Variants in SGO2 observed in about 807,000 individuals in gnomAD.
The protein encoded by SGO2 is shugoshin-like 2.
A neutral mutation model predicts 99.5 loss-of-function variants in SGO2; 68 were observed. The ratio of observed to expected loss-of-function variants is 0.68; its 90% CI spans 0.56 to 0.84. The LOEUF (loss-of-function observed/expected upper bound fraction) is 0.84. Ranked by LOEUF, SGO2 falls within the 40% of genes least tolerant of loss-of-function variation. SGO2 has a pLI of 0.00. For missense variants in SGO2, 1,350 were observed against 1,436.7 expected (o/e 0.94, Z 0.97); for synonymous variants, 457 against 487.1 (o/e 0.94, Z 0.81).
chr2:200,574,666 T>C (rs776930575), intron 7 of SGO2, among the ~76,000 whole-genome samples: 4 of 151,926 alleles, frequency 2.6e-5, no homozygotes, highest in Non-Finnish European at 5.9e-5. Flanking sequence ...GTTATTAAAA[T>C]AGTACTCATT....
Position 200,573,588 on chromosome 2 carries a change from A to G in SGO2, c.3242A>G (p.Lys1081Arg). The change falls in exon 7 of 9, where the codon AAA becomes AGA. Residue 1081 changes from lysine (K) to arginine (R), a missense_variant. Transcript: ENST00000357799. The stretch of plus-strand genomic sequence containing the variant: ...AATAAAATGACATCTAAGTCAAAGA[A>G]AAGGAAGACCTCCATAGATCCTTCT... ...KVNKMTSKSK[K>R]RKTSIDPSPE... The G allele has an allele frequency of 6.2e-7, 1 of 1,605,674 alleles. No individual in the cohort carries two copies. Among genetic ancestry groups the G allele is most frequent in the Non-Finnish European group, 8.5e-7 (1 of 1,177,752 alleles).
At chr2:200,555,712 G>A (rs1028126219) in intron 5 of SGO2, among the ~76,000 whole-genome samples, 9 of 152,058 alleles carry the variant, frequency 5.9e-5, no homozygotes, top group African/African-American at 2.2e-4. Context: ...ATCCCCAGAA[G>A]CATATTTCCT....
intron 5 of SGO2, among the ~76,000 whole-genome samples, chr2:200,549,992 T>C (rs985993999): frequency 1.3e-5 from 2 of 152,186 alleles, no homozygotes; most frequent in Non-Finnish European, 2.9e-5. Context: ...TTAGGACACA[T>C]AAGGGAATTC....
chr2:200,532,279 T>TTTG (rs1439748276), intron 1 of SGO2: 222 of 401,810 alleles, frequency 5.5e-4, no homozygotes, highest in African/African-American at 5.2e-3. Context: ...TTTGTTTTTT[T>TTTG]TTTTGTTTTT....
chr2:200,536,875 G>C (rs2031720019), intron 4 of SGO2, among the ~76,000 whole-genome samples: 1 of 152,102 alleles, frequency 6.6e-6, no homozygotes, highest in African/African-American at 2.4e-5. Context: ...ACATGCTTTT[G>C]TCCGCCTTCA....
rs1559215820 is a variant in SGO2 at position 200,571,484 on chromosome 2, A to G, written c.1138A>G (p.Thr380Ala). 1 of 1,611,474 alleles carries G rather than the reference A, an allele frequency of 6.2e-7. No homozygotes were observed. The highest frequency in any genetic ancestry group is 2.2e-5 in the East Asian group (1 of 44,854). The change falls in exon 7 of 9, where the codon ACA (threonine) becomes GCA (alanine). Residue 380 changes from threonine to alanine, a missense_variant. Transcript: ENST00000357799. ...SEVSKIVTVS[T>A]GIKKKSNKKT... ...AGTCAGCAAAATTGTCACAGTCTCA[A>G]CAGGCATTAAAAAGAAAAGTAATAA...
chr2:200,554,219 T>A (rs1025404353), intron 5 of SGO2, among the ~76,000 whole-genome samples: 1 of 152,154 alleles, frequency 6.6e-6, no homozygotes, highest in African/African-American at 2.4e-5. Context: ...TTAAAAGCTG[T>A]AAATAGCTCA....
intron 5 of SGO2, among the ~76,000 whole-genome samples, chr2:200,545,590 C>A (rs1298481358): frequency 6.6e-6 from 1 of 152,184 alleles, no homozygotes; most frequent in Non-Finnish European, 1.5e-5. Context: ...CCACCATCAA[C>A]AGCCCAGAGA....
chr2:200,560,849 G>T (rs1385877902), intron 5 of SGO2, among the ~76,000 whole-genome samples: 1 of 152,078 alleles, frequency 6.6e-6, no homozygotes, highest in African/African-American at 2.4e-5. Flanking sequence ...ATGTTTAATA[G>T]AATTCACAAG....
At position 200,536,114 on chromosome 2, in the gene SGO2, C is replaced by T; in HGVS notation, c.359C>T (p.Thr120Ile). Residue 120 changes from threonine to isoleucine, a missense_variant, in exon 4 of 9, where the codon ACT (threonine) becomes ATT (isoleucine). Transcript: ENST00000357799. ...GCTCTCATGAACAATAACTTGATAA[C>T]TGCAATTGAAATGAGCAGTCTTTCT... is the stretch of plus-strand genomic sequence containing the variant. Reference protein sequence around the residue: ...IEALMNNNLITAIEMSSLSEF... With the variant: ...IEALMNNNLIIAIEMSSLSEF... The T allele has an allele frequency of 1.3e-6, 2 of 1,596,966 alleles. No homozygotes were observed. Among genetic ancestry groups the T allele is most frequent in the Non-Finnish European group, 1.7e-6 (2 of 1,168,622 alleles).
intron 8 of SGO2, among the ~76,000 whole-genome samples, chr2:200,582,445 C>T (rs1273891637): frequency 2.0e-5 from 3 of 152,092 alleles, no homozygotes; most frequent in Non-Finnish European, 4.4e-5. Context: ...CTAAAAATAA[C>T]CTCCCCACTA....
intron 8 of SGO2, among the ~76,000 whole-genome samples, chr2:200,577,712 A>G (rs563562194): frequency 6.6e-6 from 1 of 151,896 alleles, no homozygotes; most frequent in African/African-American, 2.4e-5. Flanking sequence ...ACACCTTTGA[A>G]GACTACTGGT....
At chr2:200,543,408 T>A (rs1394442605) in intron 5 of SGO2, 2 of 152,248 alleles carry the variant, frequency 1.3e-5, no homozygotes, top group South Asian at 2.1e-4. Flanking sequence ...AGCACCCTAT[T>A]TCAAATCTGT....
At chr2:200,542,876 T>C (rs904463495) in intron 5 of SGO2, 2 of 380,692 alleles carry the variant, frequency 5.3e-6, no homozygotes, top group Admixed American at 4.1e-5. Context: ...TTATTTGTAA[T>C]GTCTTGCTAC....
At chr2:200,556,708 A>G (rs1443982857) in intron 5 of SGO2, among the ~76,000 whole-genome samples, 1 of 152,206 alleles carries the variant, frequency 6.6e-6, no homozygotes, top group Non-Finnish European at 1.5e-5. Context: ...GGCAGTTTCC[A>G]TTACCCTTCC....
intron 5 of SGO2, among the ~76,000 whole-genome samples, chr2:200,567,175 A>G (rs992024967): frequency 1.3e-5 from 2 of 152,170 alleles, no homozygotes; most frequent in African/African-American, 2.4e-5. Context: ...GCTGGGTGCT[A>G]TAGACTGGAG....
At chr2:200,529,264 A>G (rs1324740576) in intron 1 of SGO2, among the ~76,000 whole-genome samples, 2 of 152,214 alleles carry the variant, frequency 1.3e-5, no homozygotes, top group Admixed American at 6.5e-5. Flanking sequence ...GCCCTTCCTA[A>G]TCTTGATGCC....
Position 200,558,268 on chromosome 2 carries a change from G to A in SGO2, c.474-11395G>A, listed in dbSNP as rs575529982. 2.6e-5 allele frequency among the ~76,000 whole-genome samples: 4 copies of A among 151,930 alleles called. No individual in the cohort carries two copies. The East Asian group carries it at 5.8e-4, about 22-fold the overall frequency. On this transcript the variant is annotated intron_variant, in intron 5 of 8. Coordinates refer to ENST00000357799, the MANE Select transcript of SGO2 (RefSeq NM_152524.6). The stretch of plus-strand genomic sequence containing the variant: ...TTATTAAATATGATGTCTGCTCTTG[G>A]GTTTTTGTAGATTCTCTTAATCAGA...
intron 5 of SGO2, chr2:200,542,954 T>A (rs1018722553): frequency 4.6e-5 from 9 of 197,394 alleles, no homozygotes; most frequent in African/African-American, 2.1e-4. Context: ...GCTGGATAAA[T>A]CTGATGACTG....
Sources: allele counts gnomAD v4.1 joint callset (sites outside exome capture counted in the v4.1 genomes callset), GRCh38; gene constraint gnomAD v4.1.1; transcripts MANE v1.5; gene names NCBI Gene and HGNC (gene_info 2026-07-23, HGNC 2026-07-21).